SON: variants seen among roughly 807,000 people sequenced by gnomAD.
SON encodes the protein protein SON.
A neutral mutation model predicts 173.3 loss-of-function variants in SON; 4 were observed. The observed-to-expected ratio is 0.02, with a 90% confidence interval of 0.01 to 0.05. The LOEUF (loss-of-function observed/expected upper bound fraction) is 0.05. SON is among the 10% of genes least tolerant of loss of function. SON has a pLI of 1.00. For missense variants in SON, 2,626 were observed against 3,055.3 expected, an observed-to-expected ratio of 0.86 and a Z score of 3.31; for synonymous variants, 1,190 against 1,105.9, an observed-to-expected ratio of 1.08 and a Z score of -1.51.
Position 33,560,041 on chromosome 21 carries a change from C to G in SON, c.6657+266C>G. ...TCACATCCCTACCCAACATTGGGCC[C>G]TCCCTGCACTTGTGGGAAGGTAGTC... is the stretch of plus-strand genomic sequence containing the variant. On this transcript the variant is annotated intron_variant, in intron 6 of 11. Transcript: ENST00000356577. 1.2e-6 allele frequency: 2 copies of G among 1,614,218 alleles called. No homozygotes were observed. Among genetic ancestry groups the G allele is most frequent in the South Asian group, 2.2e-5 (2 of 91,086 alleles).
At chr21:33,548,862 A>G (rs773083405) in intron 2 of SON, among the ~76,000 whole-genome samples, 1 of 152,248 alleles carries the variant, frequency 6.6e-6, no homozygotes. Flanking sequence ...TAATTTTGCT[A>G]TGATTTGAGA....
chr21:33,545,048 G>A (rs1169144814), intron 1 of SON, among the ~76,000 whole-genome samples: 1 of 152,108 alleles, frequency 6.6e-6, no homozygotes, highest in Non-Finnish European at 1.5e-5. Context: ...TTAGAGTAAT[G>A]AGGCTGACAT....
chr21:33,568,919 GT>G, intron 7 of SON, 51 bp from the exon 8 acceptor site: 1 of 1,042,984 alleles, frequency 9.6e-7, no homozygotes, highest in Non-Finnish European at 1.5e-6. Context: ...TACCAGTGAT[GT>G]TTTAATCAGG....
chr21:33,551,392 A>C lies in SON; in HGVS notation c.2161A>C (p.Met721Leu). 6.2e-7 allele frequency: 1 copy of C among 1,614,114 alleles called. No homozygotes were observed. The highest frequency in any genetic ancestry group is 8.5e-7 in the Non-Finnish European group (1 of 1,179,992). Reference sequence around the variant, plus strand: ...ATCCCATATATTAGCTTCTAACACCATGGAGACCCATATATTAGCATCCAA... The same window carrying C: ...ATCCCATATATTAGCTTCTAACACCCTGGAGACCCATATATTAGCATCCAA... ...PESHILASNT[M>L]ETHILASNTM... is the part of the protein sequence containing the mutation. The change falls in exon 3 of 12, where the codon ATG becomes CTG. Residue 721 changes from methionine (M) to leucine (L), a missense_variant. Transcript: ENST00000356577.
At chr21:33,576,289 G>C in intron 11 of SON, 76 bp from the exon 12 acceptor site, 1 of 774,972 alleles carries the variant, frequency 1.3e-6, no homozygotes, top group Non-Finnish European at 2.3e-6. Context: ...TATTTTTCTA[G>C]CATTTAGTGA....
chr21:33,553,363 T>G lies in SON; in HGVS notation c.4132T>G (p.Ser1378Ala). Residue 1378 changes from serine to alanine, a missense_variant, in exon 3 of 12, where the codon TCT becomes GCT. By Grantham distance (99) the Ser-to-Ala change is moderately conservative (BLOSUM62 1). Coordinates refer to ENST00000356577, the MANE Select transcript of SON (RefSeq NM_138927.4). ...GTCTTCGACTGTGACTGTCCTGGAG[T>G]CTTCGACTGTAACTGTCCTGGAGCC... ...LESSTVTVLE[S>A]STVTVLEPSV... is the part of the protein sequence containing the mutation. The G allele has an allele frequency of 6.2e-7, 1 of 1,608,150 alleles. No homozygotes were observed. Among genetic ancestry groups the G allele is most frequent in the Non-Finnish European group, 8.5e-7 (1 of 1,175,558 alleles).
rs778363988 is a variant in SON at position 33,551,082 on chromosome 21, A to G, written c.1851A>G (p.Ala617=). The change falls in exon 3 of 12, where the codon GCA becomes GCG. Residue 617 remains alanine, a synonymous_variant. Coordinates refer to ENST00000356577, the MANE Select transcript of SON (RefSeq NM_138927.4). ...CGGGGCAGTCTGGGGCAGCTGGAGCACTGGAGCTTTTGGGGCAGCCTCTGG... is the reference window on the plus strand; with the variant it reads ...CGGGGCAGTCTGGGGCAGCTGGAGCGCTGGAGCTTTTGGGGCAGCCTCTGG... The part of the protein sequence containing the change: ...EFSGQSGAAG[A]LELLGQPLAT... 6.2e-7 allele frequency: 1 copy of G among 1,611,316 alleles called. No individual in the cohort carries two copies. Among genetic ancestry groups the G allele is most frequent in the Non-Finnish European group, 8.5e-7 (1 of 1,179,016 alleles).
At chr21:33,566,538 A>AT (rs72564634) in intron 6 of SON, among the ~76,000 whole-genome samples, 1 of 151,778 alleles carries the variant, frequency 6.6e-6, no homozygotes, top group Non-Finnish European at 1.5e-5. Flanking sequence ...ATAGTGTAAT[A>AT]TACTTAATAT....
chr21:33,553,969 A>ACCT lies in SON; in HGVS notation c.4739_4741dup (p.Thr1580_Tyr1581insSer). ...GACTAAACAGCGCACAGTATTGGAT[A>ACCT]CCTACCCTGGTGTTAGTGAAGCTGA... On this transcript the variant is annotated inframe_insertion, in exon 3 of 12. Coordinates refer to ENST00000356577, the MANE Select transcript of SON (RefSeq NM_138927.4). 1 of 1,614,160 alleles carries ACCT rather than the reference A, an allele frequency of 6.2e-7. No individual in the cohort carries two copies. Among genetic ancestry groups the ACCT allele is most frequent in the Non-Finnish European group, 8.5e-7 (1 of 1,180,010 alleles).
At position 33,553,609 on chromosome 21, in the gene SON, G is replaced by A; in HGVS notation, c.4378G>A (p.Val1460Ile). 1 of 1,613,964 alleles carries A rather than the reference G, an allele frequency of 6.2e-7. No homozygotes were observed. Among genetic ancestry groups the A allele is most frequent in the Non-Finnish European group, 8.5e-7 (1 of 1,179,928 alleles). Residue 1460 changes from valine to isoleucine, a missense_variant, in exon 3 of 12, where the codon GTA (valine) becomes ATA (isoleucine). By Grantham distance (29) the Val-to-Ile change is conservative. This residue lies in a region of SON where 1,006 missense variants were observed against 895.6 expected (regional missense o/e 1.12). Coordinates refer to ENST00000356577, the MANE Select transcript of SON (RefSeq NM_138927.4). ...TGTCACAGTCTCAGAGCAGACTCAA[G>A]TAATACCAACTGAGGTGGCTATAGA... ...PAVTVSEQTQ[V>I]IPTEVAIEST...
In SON at chr21:33,555,093, C is replaced by A; in HGVS notation, c.5862C>A (p.Ser1954Arg). The change falls in exon 3 of 12, where the codon AGC (serine) becomes AGA (arginine). Residue 1954 changes from serine to arginine, a missense_variant. By Grantham distance (110) the Ser-to-Arg change is moderately radical. Transcript: ENST00000356577. The part of the protein sequence containing the change: ...GRRRSFSISP[S>R]RRSRTPSRRS... ...GAAGGAGCTTTAGCATTTCCCCAAGCCGCCGCAGCCGCACCCCCAGCCGCC... is the reference window on the plus strand; with the variant it reads ...GAAGGAGCTTTAGCATTTCCCCAAGACGCCGCAGCCGCACCCCCAGCCGCC... 2.0e-6 allele frequency: 3 copies of A among 1,536,958 alleles called. No individual in the cohort carries two copies. Among genetic ancestry groups the A allele is most frequent in the South Asian group, 1.2e-5 (1 of 85,580 alleles).
At position 33,552,734 on chromosome 21, in the gene SON, C is replaced by T; in HGVS notation, c.3503C>T (p.Thr1168Ile). ...TTGCCACCTGAGGAGCCACCAATGA[C>T]ACCACCATTGCCTCCTGAGGAACCA... ...PPLPPEEPPM[T>I]PPLPPEEPPE... Residue 1168 changes from threonine (T) to isoleucine (I), a missense_variant, in exon 3 of 12, where the codon ACA becomes ATA. Transcript: ENST00000356577. The surrounding 1 kb of genome is among the most constrained non-coding windows in gnomAD (Gnocchi z 5.6). The T allele has an allele frequency of 6.2e-7, 1 of 1,613,986 alleles. No homozygotes were observed. The highest frequency in any genetic ancestry group is 8.5e-7 in the Non-Finnish European group (1 of 1,180,028).
intron 10 of SON, 23 bp from the exon 11 acceptor site, chr21:33,575,755 C>G: frequency 6.4e-7 from 1 of 1,559,930 alleles, no homozygotes; most frequent in Non-Finnish European, 8.8e-7. Context: ...TAATTTAAAA[C>G]TGGGTATTTC....
chr21:33,564,079 G>C (rs752543020), intron 6 of SON, among the ~76,000 whole-genome samples: 4 of 152,170 alleles, frequency 2.6e-5, no homozygotes, highest in African/African-American at 4.8e-5. Flanking sequence ...ACTAAGGCTT[G>C]TTGGTGACAG....
chr21:33,559,280 T>C lies in SON; in HGVS notation c.6372T>C (p.Asn2124=), dbSNP rs2086025673. 6.2e-7 allele frequency: 1 copy of C among 1,610,424 alleles called. No homozygotes were observed. The change falls in exon 5 of 12, where the codon AAT becomes AAC. Residue 2124 remains asparagine (N), a synonymous_variant. Transcript: ENST00000356577. The surrounding 1 kb of genome is among the most constrained non-coding windows in gnomAD (Gnocchi z 4.1). Reference sequence around the variant, plus strand: ...AAGAAGATGATGATGTAATAGTGAATAAACCTCATGTTTCGGATGAAGAGG... The same window carrying C: ...AAGAAGATGATGATGTAATAGTGAACAAACCTCATGTTTCGGATGAAGAGG... The part of the protein sequence containing the change: ...QSKEDDDVIV[N]KPHVSDEEEE...
chr21:33,561,150 A>C (rs575167137), intron 6 of SON, among the ~76,000 whole-genome samples: 2 of 152,340 alleles, frequency 1.3e-5, no homozygotes, highest in African/African-American at 4.8e-5. Context: ...GTTACTGGTG[A>C]TAATCTGTAT....
rs1038263767 is a variant in SON, at chr21:33,554,132, C to T, written c.4901C>T (p.Thr1634Ile). 1.1e-5 allele frequency: 17 copies of T among 1,613,362 alleles called. No homozygotes were observed. Among genetic ancestry groups the T allele is most frequent in the Non-Finnish European group, 1.4e-5 (17 of 1,179,440 alleles). ...TATGATGTTGATTTATCTTTAACTA[C>T]TCAAGATACTGAACATGACATGGTA... ...NKYDVDLSLTTQDTEHDMVIS... is the reference protein window; with the variant it reads ...NKYDVDLSLTIQDTEHDMVIS... The change falls in exon 3 of 12, where the codon ACT (threonine) becomes ATT (isoleucine). Residue 1634 changes from threonine (T) to isoleucine (I), a missense_variant. Around this residue, in one of 13 missense-constraint regions of SON, gnomAD observed 1,006 missense variants for 895.6 expected, o/e 1.12. Transcript: ENST00000356577.
At chr21:33,569,310 T>C in intron 8 of SON, 1 of 470,320 alleles carries the variant, frequency 2.1e-6, no homozygotes, top group Non-Finnish European at 3.9e-6. Context: ...AAGGTTATTT[T>C]AAAAATTGTT....
Position 33,557,162 on chromosome 21 carries a change from C to T in SON, c.6167C>T (p.Ala2056Val). The T allele has an allele frequency of 6.2e-7, 1 of 1,609,094 alleles. No individual in the cohort carries two copies. The highest frequency in any genetic ancestry group is 8.5e-7 in the Non-Finnish European group (1 of 1,179,102). ...SPKRLTDLDK[A>V]QLLEIAKANA... ...TGTATTTTTCTTCTTACAGATAAGG[C>T]TCAATTACTTGAAATAGCCAAAGCT... The change falls in exon 4 of 12, where the codon GCT (alanine) becomes GTT (valine). Residue 2056 changes from alanine to valine, a missense_variant. Physicochemically the swap from Ala to Val is moderately conservative, Grantham distance 64. Transcript: ENST00000356577.
Sources: allele counts gnomAD v4.1 joint callset (sites outside exome capture counted in the v4.1 genomes callset), GRCh38; gene constraint gnomAD v4.1.1; regional missense constraint gnomAD v4.1.1; non-coding constraint Gnocchi (gnomAD v3.1); transcripts MANE v1.5; gene names NCBI Gene and HGNC (gene_info 2026-07-23, HGNC 2026-07-21).